Variants in NTM observed in about 807,000 individuals in gnomAD.
The protein encoded by NTM is IgLON family member 2.
NTM carries 13 observed loss-of-function variants against 42.1 expected under a neutral mutation model. That is an observed-to-expected ratio of 0.31 (90% CI 0.20 to 0.49). The LOEUF is 0.49. Ranked by LOEUF, NTM falls within the 20% of genes least tolerant of loss-of-function variation. The pLI, the probability that NTM is intolerant of heterozygous loss-of-function variation, is 0.99. For missense variants in NTM, 373 were observed against 452.8 expected, an observed-to-expected ratio of 0.82 and a Z score of 1.60; for synonymous variants, 187 against 179.2, an observed-to-expected ratio of 1.04 and a Z score of -0.35.
chr11:131,893,211 G>T (rs1215977156), intron 1 of NTM, among the ~76,000 whole-genome samples: 1 of 152,186 alleles, frequency 6.6e-6, no homozygotes, highest in Non-Finnish European at 1.5e-5. Context: ...TTTAGGTGAA[G>T]TCCCTTTGAA....
intron 1 of NTM, among the ~76,000 whole-genome samples, chr11:131,426,028 G>T (rs1948103348): frequency 6.6e-6 from 1 of 152,124 alleles, no homozygotes; most frequent in African/African-American, 2.4e-5. Context: ...GCTTTCTGGA[G>T]GTGGTGACCA....
chr11:131,479,556 C>T (rs1302779320), intron 1 of NTM, among the ~76,000 whole-genome samples: 3 of 152,192 alleles, frequency 2.0e-5, no homozygotes, highest in Non-Finnish European at 4.4e-5. Context: ...TTTGGAACTC[C>T]TCACCTTGGG....
intron 4 of NTM, among the ~76,000 whole-genome samples, chr11:132,223,668 A>T (rs1398269262): frequency 6.6e-6 from 1 of 152,240 alleles, no homozygotes; most frequent in Non-Finnish European, 1.5e-5. Flanking sequence ...CAAATCATAC[A>T]CATTCAATAC....
chr11:131,678,838 G>A (rs887890508), intron 1 of NTM, among the ~76,000 whole-genome samples: 5 of 152,148 alleles, frequency 3.3e-5, no homozygotes, highest in Non-Finnish European at 5.9e-5. Flanking sequence ...GCTAGAACAA[G>A]GCTGTCCGGG....
intron 2 of NTM, among the ~76,000 whole-genome samples, chr11:132,020,457 ATAT>A (rs1425840797): frequency 1.3e-5 from 2 of 152,022 alleles, no homozygotes; most frequent in Admixed American, 6.6e-5. Flanking sequence ...ATATAGATAA[ATAT>A]TATAGTGTAC....
chr11:131,944,330 G>T (rs957007094), intron 2 of NTM, among the ~76,000 whole-genome samples: 2 of 152,172 alleles, frequency 1.3e-5, no homozygotes, highest in African/African-American at 4.8e-5. Context: ...AGACAGCGGC[G>T]CTGATTAGTG....
intron 1 of NTM, among the ~76,000 whole-genome samples, chr11:131,854,680 T>A (rs2045929793): frequency 6.6e-6 from 1 of 151,582 alleles, no homozygotes; most frequent in Admixed American, 6.6e-5. Flanking sequence ...CGATAAGGAG[T>A]TTGGATTTTG....
At chr11:131,716,711 G>C (rs2077725938) in intron 1 of NTM, among the ~76,000 whole-genome samples, 1 of 152,092 alleles carries the variant, frequency 6.6e-6, no homozygotes, top group South Asian at 2.1e-4. Flanking sequence ...CCATTGACTT[G>C]CTGTATCATC....
At chr11:131,419,369 T>C (rs1947277301) in intron 1 of NTM, among the ~76,000 whole-genome samples, 1 of 152,118 alleles carries the variant, frequency 6.6e-6, no homozygotes, top group Admixed American at 6.5e-5. Flanking sequence ...GTGCACATGA[T>C]GAAATAACGG....
intron 1 of NTM, among the ~76,000 whole-genome samples, chr11:131,750,617 G>C (rs1027418086): frequency 1.8e-4 from 27 of 152,248 alleles, no homozygotes; most frequent in Non-Finnish European, 3.4e-4. Flanking sequence ...TCTCCAAAAT[G>C]CATCTTGAAT....
At chr11:131,915,737 T>C (rs116116796) in intron 2 of NTM, among the ~76,000 whole-genome samples, 2,175 of 152,084 alleles carry the variant, frequency 0.014, 52 homozygotes, top group African/African-American at 0.046. Context: ...AAAGGCACAT[T>C]TTACACGGCG....
In NTM at chr11:131,404,080, T is replaced by C. The variant is rs150744460; in HGVS notation, c.82+33192T>C. Among the ~76,000 whole-genome samples the C allele has an allele frequency of 3.8e-3, 574 of 152,224 alleles. 4 individuals are homozygous for C. The highest frequency in any genetic ancestry group is 0.013 in the African/African-American group (545 of 41,564). On this transcript the variant is annotated intron_variant, in intron 1 of 8. Coordinates refer to ENST00000683400, the MANE Select transcript of NTM (RefSeq NM_001352005.2). ...GCAACTGCAACATCAACAATCTCTCTTGACCTCCCTTCTTCCTTTAGCTAC... is the reference window on the plus strand; with the variant it reads ...GCAACTGCAACATCAACAATCTCTCCTGACCTCCCTTCTTCCTTTAGCTAC...
At chr11:131,724,708 G>T (rs898418923) in intron 1 of NTM, among the ~76,000 whole-genome samples, 2 of 152,124 alleles carry the variant, frequency 1.3e-5, no homozygotes, top group Non-Finnish European at 2.9e-5. Flanking sequence ...AGAAAGGAAC[G>T]ACAAGGCCCG....
At chr11:131,372,692 A>G (rs1050218289) in intron 1 of NTM, among the ~76,000 whole-genome samples, 2 of 152,038 alleles carry the variant, frequency 1.3e-5, no homozygotes, top group African/African-American at 4.8e-5. Context: ...TGTAACATCA[A>G]ACTGGAGACA....
intron 1 of NTM, among the ~76,000 whole-genome samples, chr11:131,746,068 A>G (rs949116827): frequency 1.3e-5 from 2 of 151,986 alleles, no homozygotes; most frequent in Non-Finnish European, 2.9e-5. Flanking sequence ...CAGCCTGGCC[A>G]TCGTCCGTCT....
intron 1 of NTM, among the ~76,000 whole-genome samples, chr11:131,717,022 C>T (rs972744899): frequency 7.9e-5 from 12 of 152,000 alleles, no homozygotes; most frequent in Admixed American, 3.9e-4. Context: ...AAATTGTTTT[C>T]TAGAGATGAG....
chr11:131,574,560 G>C (rs1369939723), intron 1 of NTM, among the ~76,000 whole-genome samples: 4 of 134,656 alleles, frequency 3.0e-5, no homozygotes, highest in Non-Finnish European at 6.2e-5. Context: ...GTATGTGCTT[G>C]AGTGTGTGTG....
intron 2 of NTM, among the ~76,000 whole-genome samples, chr11:131,935,201 G>A (rs111517380): frequency 2.0e-5 from 3 of 152,226 alleles, no homozygotes; most frequent in African/African-American, 2.4e-5. Flanking sequence ...ACAGAGTAAC[G>A]GTGGTTTTGT....
chr11:132,044,296 T>G (rs891285421), intron 2 of NTM, among the ~76,000 whole-genome samples: 5 of 152,116 alleles, frequency 3.3e-5, no homozygotes, highest in Non-Finnish European at 4.4e-5. Context: ...CAAGTGATAA[T>G]AAGTTTGCCT....
Sources: gnomAD v4.1 joint callset for allele counts (sites outside exome capture counted in the v4.1 genomes callset) on GRCh38, gnomAD v4.1.1 for gene constraint, MANE v1.5 for transcripts, NCBI Gene and HGNC (gene_info 2026-07-23, HGNC 2026-07-21) for gene names.